Variants in URI1 observed in about 807,000 individuals in gnomAD.
URI1 encodes the protein unconventional prefoldin RPB5 interactor 1.
A neutral mutation model predicts 60.2 loss-of-function variants in URI1; 39 were observed. That is an observed-to-expected ratio of 0.65 (90% CI 0.50 to 0.85). URI1 has a LOEUF of 0.85. Among genes scored for constraint, URI1 ranks in the 40% least tolerant of loss-of-function variants. URI1 has a pLI of 0.00. For missense variants in URI1, 691 were observed against 665.9 expected (o/e 1.04, Z -0.42); for synonymous variants, 251 against 236.8 (o/e 1.06, Z -0.55).
Position 29,971,212 on chromosome 19 carries a change from A to G in URI1, c.137A>G (p.Glu46Gly). Residue 46 changes from glutamate to glycine, a missense_variant, in exon 2 of 11, where the codon GAG (glutamate) becomes GGG (glycine). By Grantham distance (98) the Glu-to-Gly change is moderately conservative. Coordinates refer to ENST00000392271, the MANE Select transcript of URI1 (RefSeq NM_003796.3). ...EQEKVVTNCQ[E>G]RIQHWKKVDN... ...TGACAGGTGGTCACTAACTGCCAAGAGAGAATCCAGCATTGGTGAGTGAAA... is the reference window on the plus strand; with the variant it reads ...TGACAGGTGGTCACTAACTGCCAAGGGAGAATCCAGCATTGGTGAGTGAAA... The G allele has an allele frequency of 1.9e-6, 3 of 1,613,348 alleles. No individual in the cohort carries two copies. Among genetic ancestry groups the G allele is most frequent in the Non-Finnish European group, 2.5e-6 (3 of 1,179,462 alleles).
chr19:29,942,608 G>C lies in URI1; in HGVS notation c.61G>C (p.Ala21Pro), dbSNP rs969075996. 1.0e-5 allele frequency: 15 copies of C among 1,470,274 alleles called. No individual in the cohort carries two copies. The highest frequency in any genetic ancestry group is 1.3e-5 in the Non-Finnish European group (14 of 1,115,302). The allele number at this position is 1,470,274 out of a possible 1,614,324, so 91.1% of individuals were successfully genotyped here. A position where few individuals can be genotyped will look rare whatever the true frequency, so the allele number is the denominator to read the frequency against. The change falls in exon 1 of 11, where the codon GCC becomes CCC. Residue 21 changes from alanine (A) to proline (P), a missense_variant. Transcript: ENST00000392271. The stretch of plus-strand genomic sequence containing the variant: ...CTCGCCCCCTTCGGCCCCGGCCCCT[G>C]CCCTGGTTCCGTTGCGCGCCCCGGA... ...DPSPPSAPAP[A>P]LVPLRAPDVA...
intron 1 of URI1, among the ~76,000 whole-genome samples, chr19:29,933,159 T>C (rs2054937230): frequency 6.6e-6 from 1 of 152,238 alleles, no homozygotes; most frequent in Non-Finnish European, 1.5e-5. Flanking sequence ...AATGTGTTCT[T>C]TCCTCTTCAA....
chr19:29,936,914 G>A (rs2145207974), intron 1 of URI1, among the ~76,000 whole-genome samples: 1 of 152,182 alleles, frequency 6.6e-6, no homozygotes, highest in South Asian at 2.1e-4. Context: ...CACAATGCCT[G>A]GCTAATTTTT....
Position 29,942,256 on chromosome 19 carries a change from C to A in URI1, c.-292C>A, listed in dbSNP as rs953524983. On this transcript the variant is annotated 5_prime_UTR_variant, in exon 1 of 11. Coordinates refer to ENST00000392271, the MANE Select transcript of URI1 (RefSeq NM_003796.3). ...GGCGGGGCGTGTGGGGAGGCGCGGC[C>A]GCCACGCGACGCCTGGCTGGGCCCG... is the stretch of plus-strand genomic sequence containing the variant. The A allele has an allele frequency of 2.0e-6, 2 of 984,566 alleles. No individual in the cohort carries two copies. Among genetic ancestry groups the A allele is most frequent in the Non-Finnish European group, 2.4e-6 (2 of 829,588 alleles). 61.0% of individuals were successfully genotyped at this position (984,566 alleles called of 1,614,324 possible).
intron 4 of URI1, among the ~76,000 whole-genome samples, chr19:29,988,854 T>G (rs569481600): frequency 2.6e-5 from 4 of 152,186 alleles, no homozygotes; most frequent in Non-Finnish European, 5.9e-5. Context: ...TTTAAGAGAC[T>G]ACCAAGCTGT....
intron 1 of URI1, among the ~76,000 whole-genome samples, chr19:29,959,545 A>G (rs1427834219): frequency 6.6e-6 from 1 of 152,242 alleles, no homozygotes; most frequent in African/African-American, 2.4e-5. Flanking sequence ...TTTCTTTGAA[A>G]GTTCAAAGAC....
At chr19:29,940,359 C>G (rs1187537560), upstream of URI1, among the ~76,000 whole-genome samples, 2 of 151,958 alleles carry the variant, frequency 1.3e-5, no homozygotes, top group South Asian at 2.1e-4. Context: ...TGAGGAAGAA[C>G]CTTCTCAGGA....
chr19:29,949,694 G>A (rs988738175), intron 1 of URI1, among the ~76,000 whole-genome samples: 2 of 152,206 alleles, frequency 1.3e-5, no homozygotes, highest in Non-Finnish European at 2.9e-5. Context: ...GATCACTCGC[G>A]GTTAGGAGCT....
chr19:29,942,243 G>T lies in URI1; in HGVS notation c.-305G>T. On this transcript the variant is annotated 5_prime_UTR_variant, in exon 1 of 11. Transcript: ENST00000392271. ...GCGTGCCGCGAGAGGCGGGGCGTGT[G>T]GGGAGGCGCGGCCGCCACGCGACGC... 18 of 984,698 alleles carry T rather than the reference G, an allele frequency of 1.8e-5. No homozygotes were observed. Among genetic ancestry groups the T allele is most frequent in the Non-Finnish European group, 2.2e-5 (18 of 829,660 alleles). 61.0% of individuals were successfully genotyped at this position (984,698 alleles called of 1,614,324 possible). A position where few individuals can be genotyped will look rare whatever the true frequency, so the allele number is the denominator to read the frequency against.
chr19:29,964,549 C>T (rs1268766985), intron 1 of URI1, among the ~76,000 whole-genome samples: 2 of 148,974 alleles, frequency 1.3e-5, no homozygotes, highest in Admixed American at 6.7e-5. Flanking sequence ...ACTGCAACCT[C>T]TGCTTTCCGG....
chr19:30,008,560 CATATGT>C (rs1189414017), intron 7 of URI1, among the ~76,000 whole-genome samples: 1 of 151,982 alleles, frequency 6.6e-6, no homozygotes, highest in Non-Finnish European at 1.5e-5. Context: ...TATTCGTGTG[CATATGT>C]ATAAATCCTT....
intron 1 of URI1, 116 bp downstream of exon 1, chr19:29,942,780 G>A (rs1404800189): frequency 8.5e-7 from 1 of 1,181,478 alleles, no homozygotes; most frequent in Non-Finnish European, 1.1e-6. Flanking sequence ...GGAGGGAACG[G>A]GGATAAACTT....
intron 1 of URI1, among the ~76,000 whole-genome samples, chr19:29,928,721 C>T (rs569806570): frequency 1.6e-4 from 25 of 152,196 alleles, no homozygotes; most frequent in Admixed American, 1.4e-3. Flanking sequence ...ATTTTCTTTT[C>T]GGTAGAAGGG....
At chr19:29,976,643 C>A (rs553266438) in intron 2 of URI1, among the ~76,000 whole-genome samples, 2 of 152,266 alleles carry the variant, frequency 1.3e-5, no homozygotes, top group East Asian at 1.9e-4. Flanking sequence ...CCTACACACA[C>A]AAAAAGGAAG....
Position 30,015,709 on chromosome 19 carries a change from A to G in URI1, c.*640A>G. ...AACTTTATGAAACTTGGTCTCAAAA[A>G]TGTTGTGAACTTTATGATTCAAAAT... On this transcript the variant is annotated 3_prime_UTR_variant, in exon 11 of 11. Transcript: ENST00000392271. The G allele has an allele frequency of 1.1e-6, 1 of 917,400 alleles. No individual in the cohort carries two copies. The highest frequency in any genetic ancestry group is 1.6e-6 in the Non-Finnish European group (1 of 618,826). The allele number at this position is 917,400 out of a possible 1,614,324, so 56.8% of individuals were successfully genotyped here.
chr19:29,965,396 G>C (rs963235532), intron 1 of URI1, among the ~76,000 whole-genome samples: 2 of 152,192 alleles, frequency 1.3e-5, no homozygotes, highest in African/African-American at 4.8e-5. Flanking sequence ...GTGGAATTCA[G>C]GCAGTATTTC....
chr19:30,005,764 T>C, intron 6 of URI1, 56 bp downstream of exon 6: 1 of 1,495,066 alleles, frequency 6.7e-7, no homozygotes, highest in African/African-American at 1.4e-5. Flanking sequence ...TTTTTGTTGA[T>C]TTTCAGTGGG....
chr19:29,981,018 A>G (rs2055591153), intron 2 of URI1, among the ~76,000 whole-genome samples: 1 of 151,646 alleles, frequency 6.6e-6, no homozygotes. Context: ...TATTGTTTCA[A>G]CCTGATTTAA....
At chr19:29,984,575 G>T (rs571665264) in intron 2 of URI1, among the ~76,000 whole-genome samples, 1 of 152,090 alleles carries the variant, frequency 6.6e-6, no homozygotes, top group Non-Finnish European at 1.5e-5. Context: ...CAAAATTTGA[G>T]TATTCTGCTT....
Sources: allele counts gnomAD v4.1 joint callset (sites outside exome capture counted in the v4.1 genomes callset), GRCh38; gene constraint gnomAD v4.1.1; transcripts MANE v1.5; gene names NCBI Gene and HGNC (gene_info 2026-07-23, HGNC 2026-07-21).